The following PCYT1A variants were observed in gnomAD, a reference collection of about 807,000 sequenced individuals.
PCYT1A encodes choline-phosphate cytidylyltransferase A.
In PCYT1A, 25 loss-of-function variants were observed where a neutral mutation model predicts 43.7. The observed-to-expected ratio is 0.57, with a 90% CI of 0.42 to 0.80. PCYT1A has a LOEUF of 0.80. PCYT1A is among the 30% of genes least tolerant of loss of function. The pLI is 0.00. For synonymous variants in PCYT1A, 172 were observed against 170.7 expected, an observed-to-expected ratio of 1.01 and a Z score of -0.06; for missense variants, 421 against 474.2, an observed-to-expected ratio of 0.89 and a Z score of 1.04.
chr3:196,253,327 A>C, intron 3 of PCYT1A, among the ~76,000 whole-genome samples: 2 of 149,696 alleles, frequency 1.3e-5, no homozygotes, highest in Non-Finnish European at 1.5e-5. Flanking sequence ...ACAGAGCAAG[A>C]CTCTGTCTCA....
Position 196,252,597 on chromosome 3 carries a change from C to T in PCYT1A, c.218-4274G>A, listed in dbSNP as rs763191785. 6.6e-6 allele frequency among the ~76,000 whole-genome samples: 1 copy of T among 152,120 alleles called. No individual in the cohort carries two copies. The highest frequency in any genetic ancestry group is 2.4e-5 in the African/African-American group (1 of 41,416). On this transcript the variant is annotated intron_variant, in intron 3 of 8. Transcript: ENST00000431016. The surrounding 1 kb of genome is among the most constrained non-coding windows in gnomAD (Gnocchi z 4.0). ...AAATAAAAATTTTAAATTAAATATA[C>T]CAATCCAATGAAAAACTAAGAATTA...
At chr3:196,239,840 A>G in intron 7 of PCYT1A, 105 bp from the exon 8 acceptor site, 1 of 753,798 alleles carries the variant, frequency 1.3e-6, no homozygotes, top group East Asian at 2.5e-5. Flanking sequence ...CACTGTTTTC[A>G]GTCTAGAATT....
chr3:196,240,321 C>A (rs574391688), intron 7 of PCYT1A, among the ~76,000 whole-genome samples: 21 of 152,080 alleles, frequency 1.4e-4, no homozygotes, highest in Non-Finnish European at 1.9e-4. Context: ...TTGGTCTTAC[C>A]AACTTTGCTA....
Position 196,238,569 on chromosome 3 carries a change from G to A in PCYT1A, c.*119C>T. On this transcript the variant is annotated 3_prime_UTR_variant, in exon 9 of 9. Coordinates refer to ENST00000431016, the MANE Select transcript of PCYT1A (RefSeq NM_001312673.2). Reference sequence around the variant, plus strand: ...CCCAGTCCTAGGTCTTCTTTCCCCAGTTGTCTTTCCTTTGTAGCTGTCCTT... The same window carrying A: ...CCCAGTCCTAGGTCTTCTTTCCCCAATTGTCTTTCCTTTGTAGCTGTCCTT... 1.5e-6 allele frequency: 1 copy of A among 688,398 alleles called. No individual in the cohort carries two copies. The highest frequency in any genetic ancestry group is 2.3e-6 in the Non-Finnish European group (1 of 429,352). 42.6% of individuals were successfully genotyped at this position (688,398 alleles called of 1,614,324 possible).
intron 1 of PCYT1A, among the ~76,000 whole-genome samples, chr3:196,278,896 G>A (rs978221912): frequency 1.3e-5 from 2 of 148,832 alleles, no homozygotes; most frequent in Non-Finnish European, 3.0e-5. Flanking sequence ...TGGCAGAATC[G>A]CTTGAACCCA....
In PCYT1A at chr3:196,268,602, T is replaced by C. The variant is rs1577370904; in HGVS notation, c.117+1813A>G. The stretch of plus-strand genomic sequence containing the variant: ...GAGTTCAAGACCAGCCTGGGCAACA[T>C]AGCAAGACCCTTACTCTAAAAATAA... On this transcript the variant is annotated intron_variant, in intron 2 of 8. Coordinates refer to ENST00000431016, the MANE Select transcript of PCYT1A (RefSeq NM_001312673.2). The surrounding 1 kb of genome is among the most constrained non-coding windows in gnomAD (Gnocchi z 4.4). 1.3e-5 allele frequency among the ~76,000 whole-genome samples: 2 copies of C among 151,876 alleles called. No individual in the cohort carries two copies. The highest frequency in any genetic ancestry group is 2.9e-5 in the Non-Finnish European group (2 of 67,986).
At chr3:196,248,107 T>C (rs1724626925) in intron 4 of PCYT1A, 100 bp downstream of exon 4, 1 of 742,744 alleles carries the variant, frequency 1.3e-6, no homozygotes, top group Non-Finnish European at 2.4e-6. Flanking sequence ...CATCCTTCAT[T>C]TAAAAATGGA....
chr3:196,285,424 A>G (rs1276655286), intron 1 of PCYT1A, among the ~76,000 whole-genome samples: 1 of 152,086 alleles, frequency 6.6e-6, no homozygotes, highest in African/African-American at 2.4e-5. Context: ...GTGCCAGCAC[A>G]CTCCAGCCTG....
rs1477375179 is a variant in PCYT1A at position 196,240,206 on chromosome 3, T to A, written c.709-471A>T. Among the ~76,000 whole-genome samples the A allele has an allele frequency of 2.6e-5, 4 of 152,368 alleles. No homozygotes were observed. The East Asian group carries it at 7.7e-4, about 29-fold the overall frequency. ...TGCTTATTGTACTGGATTTTTCCCC[T>A]CTATCACTGGCTTATTCTATTATTT... On this transcript the variant is annotated intron_variant, in intron 7 of 8. Transcript: ENST00000431016.
intron 1 of PCYT1A, among the ~76,000 whole-genome samples, chr3:196,279,251 G>A (rs1282584208): frequency 4.1e-5 from 6 of 145,796 alleles, no homozygotes; most frequent in Non-Finnish European, 8.9e-5. Flanking sequence ...TCATACCACT[G>A]CACTCCAACC....
In PCYT1A at chr3:196,238,368, A is replaced by G. The variant is rs1724233198; in HGVS notation, c.*320T>C. Reference sequence around the variant, plus strand: ...AAATTAGTTCTACATTTGAAAGACGAATTTTTTAAAAAATTAATGAAAATG... The same window carrying G: ...AAATTAGTTCTACATTTGAAAGACGGATTTTTTAAAAAATTAATGAAAATG... On this transcript the variant is annotated 3_prime_UTR_variant, in exon 9 of 9. Coordinates refer to ENST00000431016, the MANE Select transcript of PCYT1A (RefSeq NM_001312673.2). 5.0e-6 allele frequency: 1 copy of G among 200,798 alleles called. No individual in the cohort carries two copies. Among genetic ancestry groups the G allele is most frequent in the African/African-American group, 2.3e-5 (1 of 43,460 alleles). 12.4% of individuals were successfully genotyped at this position (200,798 alleles called of 1,614,324 possible).
chr3:196,274,672 T>C (rs1024853560), intron 1 of PCYT1A, among the ~76,000 whole-genome samples: 9 of 152,204 alleles, frequency 5.9e-5, no homozygotes, highest in African/African-American at 2.2e-4. Context: ...CTCATAAGCC[T>C]GACTGAGATG....
At chr3:196,260,601 G>C (rs1725080687) in intron 2 of PCYT1A, among the ~76,000 whole-genome samples, 1 of 152,176 alleles carries the variant, frequency 6.6e-6, no homozygotes, top group Non-Finnish European at 1.5e-5. Context: ...CCAGCACTTT[G>C]GGAGGCCGAG....
intron 1 of PCYT1A, among the ~76,000 whole-genome samples, chr3:196,285,730 C>T (rs1021355018): frequency 6.6e-6 from 1 of 152,170 alleles, no homozygotes; most frequent in African/African-American, 2.4e-5. Context: ...ATTATTGACA[C>T]TGCGAGTGTC....
chr3:196,263,519 A>G (rs1025674559), intron 2 of PCYT1A, among the ~76,000 whole-genome samples: 10 of 151,854 alleles, frequency 6.6e-5, no homozygotes, highest in African/African-American at 1.9e-4. Context: ...GCTTGGCCCA[A>G]TTCTTTCAAT....
At position 196,246,725 on chromosome 3, in the gene PCYT1A, G is replaced by A. The variant is rs534005916; in HGVS notation, c.486+642C>T. On this transcript the variant is annotated intron_variant, in intron 5 of 8. Coordinates refer to ENST00000431016, the MANE Select transcript of PCYT1A (RefSeq NM_001312673.2). Reference sequence around the variant, plus strand: ...CGTCTTATTTCCTGGTAATGTGACCGTCTTCAGAGTTCACCTGGGGCTATG... The same window carrying A: ...CGTCTTATTTCCTGGTAATGTGACCATCTTCAGAGTTCACCTGGGGCTATG... 3.9e-5 allele frequency among the ~76,000 whole-genome samples: 6 copies of A among 152,340 alleles called. No homozygotes were observed. In the East Asian group the frequency reaches 9.6e-4, roughly 24 times the overall value.
At chr3:196,261,218 G>T (rs1440166230) in intron 2 of PCYT1A, among the ~76,000 whole-genome samples, 2 of 152,162 alleles carry the variant, frequency 1.3e-5, no homozygotes, top group Admixed American at 6.6e-5. Context: ...AATACAGGGG[G>T]TTTCTTTTTG....
chr3:196,259,779 G>A (rs1458180932), intron 2 of PCYT1A, among the ~76,000 whole-genome samples: 1 of 151,314 alleles, frequency 6.6e-6, no homozygotes, highest in Non-Finnish European at 1.5e-5. Flanking sequence ...AGGGAGGCAG[G>A]GGTTACAGTG....
In PCYT1A at chr3:196,241,792, T is replaced by C. The variant is rs902992722; in HGVS notation, c.708+156A>G. The C allele has an allele frequency of 5.8e-6, 7 of 1,207,428 alleles. No homozygotes were observed. In the African/African-American group the frequency reaches 6.0e-5, roughly 10 times the overall value. 74.8% of individuals were successfully genotyped at this position (1,207,428 alleles called of 1,614,324 possible). A position where few individuals can be genotyped will look rare whatever the true frequency, so the allele number is the denominator to read the frequency against. On this transcript the variant is annotated intron_variant, in intron 7 of 8. Coordinates refer to ENST00000431016, the MANE Select transcript of PCYT1A (RefSeq NM_001312673.2). ...GTAACGGCAGAAACTGTCTGTTTCATTCTTTTTGTGAACAGTTAACATAGT... is the reference window on the plus strand; with the variant it reads ...GTAACGGCAGAAACTGTCTGTTTCACTCTTTTTGTGAACAGTTAACATAGT...
Sources: allele counts gnomAD v4.1 joint callset (sites outside exome capture counted in the v4.1 genomes callset), GRCh38; gene constraint gnomAD v4.1.1; non-coding constraint Gnocchi (gnomAD v3.1); transcripts MANE v1.5; gene names NCBI Gene and HGNC (gene_info 2026-07-23, HGNC 2026-07-21).